Variants in RNF17 observed in about 807,000 individuals in gnomAD.
RNF17 encodes the protein ring finger protein 17.
RNF17 carries 31 observed loss-of-function variants against 200.5 expected under a neutral mutation model. That is an observed-to-expected ratio of 0.15 (90% confidence interval 0.12 to 0.21). The LOEUF (loss-of-function observed/expected upper bound fraction) is 0.21. Among genes scored for constraint, RNF17 ranks in the 10% least tolerant of loss-of-function variants. The probability of loss-of-function intolerance (pLI) is 1.00; values close to 1 mark genes in which losing one functional copy is unlikely to be tolerated. For synonymous variants in RNF17, 606 were observed against 637.8 expected (o/e 0.95, Z 0.75); for missense variants, 1,628 against 1,905.1 (o/e 0.85, Z 2.71).
At chr13:24,817,146 C>T (rs1019311188) in intron 15 of RNF17, among the ~76,000 whole-genome samples, 1 of 152,076 alleles carries the variant, frequency 6.6e-6, no homozygotes, top group Non-Finnish European at 1.5e-5. Flanking sequence ...AGTTAGTATT[C>T]CTCCATCTTT....
At chr13:24,797,696 G>A (rs1232330006) in intron 11 of RNF17, among the ~76,000 whole-genome samples, 1 of 140,012 alleles carries the variant, frequency 7.1e-6, no homozygotes, top group African/African-American at 2.7e-5. Context: ...GAGAGAGAGA[G>A]AGACAAAGAG....
upstream of RNF17, among the ~76,000 whole-genome samples, chr13:24,763,240 T>C (rs190498387): frequency 4.6e-3 from 693 of 151,238 alleles, 17 homozygotes; most frequent in East Asian, 0.058. Flanking sequence ...TCTCGCTCTG[T>C]CGCCCAGACT....
At chr13:24,820,745 A>G (rs1887966362) in intron 15 of RNF17, among the ~76,000 whole-genome samples, 2 of 152,268 alleles carry the variant, frequency 1.3e-5, no homozygotes, top group South Asian at 2.1e-4. Flanking sequence ...CTGGCCTCCA[A>G]GATTTCTAAT....
chr13:24,753,567 T>C, the RNF17 span, among the ~76,000 whole-genome samples: 1 of 152,098 alleles, frequency 6.6e-6, no homozygotes, highest in South Asian at 2.1e-4. Context: ...AGAGAGGAGA[T>C]GGAGGCAATT....
rs564459527 is a variant in RNF17 at position 24,769,188 on chromosome 13, TAAA to T, written c.225+1832_225+1834del. 2.9e-3 allele frequency among the ~76,000 whole-genome samples: 409 copies of T among 143,032 alleles called. 3 individuals carry two copies. The highest frequency in any genetic ancestry group is 4.8e-3 in the Non-Finnish European group (315 of 65,092). 93.8% of individuals were successfully genotyped at this position (143,032 alleles called of 152,430 possible). A position where few individuals can be genotyped will look rare whatever the true frequency, so the allele number is the denominator to read the frequency against. On this transcript the variant is annotated intron_variant, in intron 2 of 35. Coordinates refer to ENST00000255324, the MANE Select transcript of RNF17 (RefSeq NM_031277.3). ...GTCCATATCCGTCCTGTTCTAATATTAAAAAAAAAAAAGACTTGGCAAATGATT... is the reference window on the plus strand; with the variant it reads ...GTCCATATCCGTCCTGTTCTAATATTAAAAAAAAAGACTTGGCAAATGATT...
intron 15 of RNF17, among the ~76,000 whole-genome samples, chr13:24,815,590 A>G (rs542383205): frequency 6.6e-6 from 1 of 152,242 alleles, no homozygotes; most frequent in African/African-American, 2.4e-5. Context: ...GCCTCTGGCT[A>G]GGATTTCCAA....
chr13:24,835,549 G>A (rs1264813753), intron 18 of RNF17, among the ~76,000 whole-genome samples: 1 of 152,146 alleles, frequency 6.6e-6, no homozygotes, highest in African/African-American at 2.4e-5. Flanking sequence ...GACTCTCTGG[G>A]TGGCTAGACC....
chr13:24,832,201 T>TTTC, intron 18 of RNF17, among the ~76,000 whole-genome samples: 1 of 152,290 alleles, frequency 6.6e-6, no homozygotes, highest in Non-Finnish European at 1.5e-5. Context: ...ACATGGCCCC[T>TTTC]TGAAAGCCCT....
chr13:24,756,834 T>G, the RNF17 span, among the ~76,000 whole-genome samples: 1 of 152,252 alleles, frequency 6.6e-6, no homozygotes, highest in African/African-American at 2.4e-5. Context: ...CCTTCATTTT[T>G]GCAGTCCTCC....
intron 26 of RNF17, 57 bp downstream of exon 26, chr13:24,859,221 G>A: frequency 7.8e-7 from 1 of 1,275,200 alleles, no homozygotes; most frequent in Non-Finnish European, 1.0e-6. Context: ...GCATTAAATA[G>A]TCTTGTGCAT....
At position 24,830,466 on chromosome 13, in the gene RNF17, A is replaced by G; in HGVS notation, c.2246-18A>G. On this transcript the variant is annotated intron_variant, in intron 16 of 35. Coordinates refer to ENST00000255324, the MANE Select transcript of RNF17 (RefSeq NM_031277.3). ...TCTGTTTCCAAGTTTGTAATTTCTA[A>G]TTTCATAATTTTTCAAGGATTGCCT... is the stretch of plus-strand genomic sequence containing the variant. The G allele has an allele frequency of 6.8e-7, 1 of 1,479,868 alleles. No homozygotes were observed. The highest frequency in any genetic ancestry group is 9.3e-7 in the Non-Finnish European group (1 of 1,073,332). 91.7% of individuals were successfully genotyped at this position (1,479,868 alleles called of 1,614,324 possible).
chr13:24,846,860 C>G (rs943610548), intron 22 of RNF17, among the ~76,000 whole-genome samples: 7 of 152,094 alleles, frequency 4.6e-5, no homozygotes, highest in African/African-American at 1.7e-4. Flanking sequence ...TGTTATTTGG[C>G]TAAAAGACAT....
intron 2 of RNF17, among the ~76,000 whole-genome samples, chr13:24,771,442 A>G (rs1262906919): frequency 7.0e-6 from 1 of 142,024 alleles, no homozygotes; most frequent in Non-Finnish European, 1.5e-5. Context: ...TGCTGAGATT[A>G]CAGGTGTTAG....
rs1882814517 is a variant in RNF17, at chr13:24,784,352, G to A, written c.611+2408G>A. Among the ~76,000 whole-genome samples, 3 of 152,120 alleles carry A rather than the reference G, an allele frequency of 2.0e-5. No individual in the cohort carries two copies. The South Asian group carries it at 6.2e-4, about 31-fold the overall frequency. The stretch of plus-strand genomic sequence containing the variant: ...CTTTATGTGGTTTTGGGTAGTTTTG[G>A]CCTCATAGAGTGAGTTAGGGAACGT... On this transcript the variant is annotated intron_variant, in intron 6 of 35. Coordinates refer to ENST00000255324, the MANE Select transcript of RNF17 (RefSeq NM_031277.3).
intron 15 of RNF17, among the ~76,000 whole-genome samples, chr13:24,823,786 C>T (rs990431960): frequency 2.0e-5 from 3 of 152,192 alleles, no homozygotes; most frequent in Non-Finnish European, 2.9e-5. Flanking sequence ...AGATTCTCCT[C>T]CTGGCCTTAG....
rs1427248453 is a variant in RNF17 at position 24,860,546 on chromosome 13, A to AT, written c.3775-716dup. On this transcript the variant is annotated intron_variant, in intron 26 of 35. Coordinates refer to ENST00000255324, the MANE Select transcript of RNF17 (RefSeq NM_031277.3). ...GACATTTTTTGTTTAATTCTATTTT[A>AT]TTTTTTAATGGTAATTGCCAAGCAA... Among the ~76,000 whole-genome samples, 6 of 152,222 alleles carry AT rather than the reference A, an allele frequency of 3.9e-5. No homozygotes were observed. The East Asian group carries it at 1.2e-3, about 29-fold the overall frequency.
intron 16 of RNF17, among the ~76,000 whole-genome samples, chr13:24,829,248 CT>C (rs924460349): frequency 1.3e-5 from 2 of 152,116 alleles, no homozygotes; most frequent in Non-Finnish European, 1.5e-5. Context: ...GTTTAATTCC[CT>C]TTTTCGCATG....
chr13:24,825,820 C>T, intron 16 of RNF17, 48 bp downstream of exon 16: 1 of 1,565,860 alleles, frequency 6.4e-7, no homozygotes, highest in African/African-American at 1.4e-5. Flanking sequence ...TACTTCAAAA[C>T]TAATATCATT....
chr13:24,854,741 A>G (rs1032623822), intron 25 of RNF17, among the ~76,000 whole-genome samples: 1 of 152,228 alleles, frequency 6.6e-6, no homozygotes, highest in African/African-American at 2.4e-5. Context: ...GACTCCCACA[A>G]TGGGTCAATG....
Sources: allele counts gnomAD v4.1 joint callset (sites outside exome capture counted in the v4.1 genomes callset), GRCh38; gene constraint gnomAD v4.1.1; transcripts MANE v1.5; gene names NCBI Gene and HGNC (gene_info 2026-07-23, HGNC 2026-07-21).